Variants in ZBTB8OS observed in about 807,000 individuals in gnomAD.
ZBTB8OS encodes tRNA-splicing ligase-activating factor archease.
A neutral mutation model predicts 29.3 loss-of-function variants in ZBTB8OS; 16 were observed. That is an observed-to-expected ratio of 0.55 (90% confidence interval 0.37 to 0.83). ZBTB8OS has a LOEUF of 0.83. Ranked by LOEUF, ZBTB8OS falls within the 40% of genes least tolerant of loss-of-function variation. ZBTB8OS has a pLI of 0.00. For missense variants in ZBTB8OS, 160 were observed against 196.9 expected, an observed-to-expected ratio of 0.81 and a Z score of 1.12; for synonymous variants, 70 against 64.6, an observed-to-expected ratio of 1.08 and a Z score of -0.40.
Position 32,646,512 on chromosome 1 carries a change from C to T in ZBTB8OS, c.97+3921G>A, listed in dbSNP as rs574064685. Among the ~76,000 whole-genome samples the T allele has an allele frequency of 3.3e-5, 5 of 151,356 alleles. No individual in the cohort carries two copies. In the South Asian group the frequency reaches 8.4e-4, roughly 25 times the overall value. On this transcript the variant is annotated intron_variant, in intron 1 of 6. Transcript: ENST00000468695. ...ACGCCATTCTCCTGCCTCAGCCTCC[C>T]GAGTAGCTGGGACTACAGGCGCCCG... is the stretch of plus-strand genomic sequence containing the variant.
intron 1 of ZBTB8OS, among the ~76,000 whole-genome samples, chr1:32,641,098 G>A (rs1646361907): frequency 1.3e-5 from 2 of 151,234 alleles, no homozygotes; most frequent in South Asian, 4.2e-4. Context: ...CTTGAACCTA[G>A]AAGGTGGAGG....
chr1:32,635,879 G>C (rs1645916024), intron 1 of ZBTB8OS, among the ~76,000 whole-genome samples: 1 of 152,046 alleles, frequency 6.6e-6, no homozygotes, highest in Admixed American at 6.6e-5. Flanking sequence ...TCTTGCCTGG[G>C]GACCAACCAG....
intron 6 of ZBTB8OS, 77 bp downstream of exon 6, chr1:32,627,431 G>T: frequency 7.7e-7 from 1 of 1,294,034 alleles, no homozygotes; most frequent in Non-Finnish European, 1.1e-6. Context: ...AGAACTAACT[G>T]AAGTTGATTG....
At chr1:32,624,199 G>A (rs573171662) in intron 6 of ZBTB8OS, among the ~76,000 whole-genome samples, 5 of 152,224 alleles carry the variant, frequency 3.3e-5, no homozygotes, top group East Asian at 1.9e-4. Flanking sequence ...TATCAGCAGC[G>A]TGAGAATGGG....
chr1:32,627,331 A>G (rs12089876), intron 6 of ZBTB8OS, among the ~76,000 whole-genome samples, 177 bp downstream of exon 6: 4,611 of 152,320 alleles, frequency 0.03, 236 homozygotes, highest in African/African-American at 0.1. Context: ...CTCATCCACT[A>G]AATCAGGTGT....
At position 32,633,675 on chromosome 1, in the gene ZBTB8OS, C is replaced by T; in HGVS notation, c.297G>A (p.Lys99=). ...LFHFLDEWLY[K]FSADEFFIPR... ...GTATGAAGAATTCATCAGCACTGAA[C>T]TTATAAAGCCATTCATCCAAAAAGT... The change falls in exon 4 of 7, where the codon AAG becomes AAA. Residue 99 remains lysine, a synonymous_variant. Coordinates refer to ENST00000468695, the MANE Select transcript of ZBTB8OS (RefSeq NM_178547.5). The T allele has an allele frequency of 1.2e-6, 2 of 1,610,316 alleles. No homozygotes were observed. Among genetic ancestry groups the T allele is most frequent in the Non-Finnish European group, 1.7e-6 (2 of 1,179,160 alleles).
In ZBTB8OS at chr1:32,621,784, T is replaced by C. The variant is rs1486254629; in HGVS notation, c.*78A>G. On this transcript the variant is annotated 3_prime_UTR_variant, in exon 7 of 7. Coordinates refer to ENST00000468695, the MANE Select transcript of ZBTB8OS (RefSeq NM_178547.5). ...CATATATCAAAAAAAAGCTGTAGAA[T>C]TTAATTCATAGTGTCTTCTCAAAAG... 5.0e-6 allele frequency: 5 copies of C among 1,006,646 alleles called. No individual in the cohort carries two copies. Among genetic ancestry groups the C allele is most frequent in the Non-Finnish European group, 7.5e-6 (5 of 666,730 alleles). The allele number at this position is 1,006,646 out of a possible 1,614,324, so 62.4% of individuals were successfully genotyped here.
At chr1:32,650,688 C>T (rs992262226), upstream of ZBTB8OS, 20 of 1,315,166 alleles carry the variant, frequency 1.5e-5, no homozygotes, top group Non-Finnish European at 1.9e-5. Context: ...CCTACCCTGC[C>T]GCTTGGATCG....
intron 1 of ZBTB8OS, 100 bp downstream of exon 1, chr1:32,650,332 TA>T (rs1647273504): frequency 6.8e-7 from 1 of 1,468,252 alleles, no homozygotes; most frequent in Non-Finnish European, 9.3e-7. Flanking sequence ...ATGCCTGAAG[TA>T]CCCATGGGGC....
chr1:32,641,265 GTTTTTTTTTTTTTT>G (rs1160526101), intron 1 of ZBTB8OS, among the ~76,000 whole-genome samples: 1 of 97,266 alleles, frequency 1.0e-5, no homozygotes. Flanking sequence ...AATTACACAA[GTTTTTTTTTTTTTT>G]TTTTTTTTTT....
upstream of ZBTB8OS, chr1:32,650,620 GCA>G (rs1407468379): frequency 6.2e-7 from 1 of 1,608,018 alleles, no homozygotes; most frequent in African/African-American, 1.3e-5. Flanking sequence ...GCCCCTTGGC[GCA>G]CACCCTTAAA....
intron 1 of ZBTB8OS, among the ~76,000 whole-genome samples, chr1:32,647,266 C>CAAA (rs71006348): frequency 0.049 from 6,517 of 133,912 alleles, 540 homozygotes; most frequent in African/African-American, 0.19. Flanking sequence ...TACTCTGTCT[C>CAAA]AAAAAAAAAA....
rs949598060 is a variant in ZBTB8OS at position 32,621,006 on chromosome 1, G to A, written c.*856C>T. 6.6e-6 allele frequency: 1 copy of A among 152,162 alleles called. No homozygotes were observed. Among genetic ancestry groups the A allele is most frequent in the Non-Finnish European group, 1.5e-5 (1 of 68,018 alleles). 9.4% of individuals were successfully genotyped at this position (152,162 alleles called of 1,614,324 possible). ...GAGAGAAAAATCAGGGCTCTATCTA[G>A]AGAAGTCTAATTGTTTCTCTACAAA... On this transcript the variant is annotated 3_prime_UTR_variant, in exon 7 of 7. Coordinates refer to ENST00000468695, the MANE Select transcript of ZBTB8OS (RefSeq NM_178547.5).
At chr1:32,638,036 C>T (rs1012713504) in intron 1 of ZBTB8OS, among the ~76,000 whole-genome samples, 45 of 151,970 alleles carry the variant, frequency 3.0e-4, no homozygotes, top group African/African-American at 9.4e-4. Context: ...AGGATTTTGC[C>T]ATGTTGGCCA....
intron 5 of ZBTB8OS, among the ~76,000 whole-genome samples, chr1:32,628,765 G>A (rs1208246605): frequency 2.0e-5 from 3 of 151,888 alleles, no homozygotes; most frequent in Non-Finnish European, 1.5e-5. Context: ...GTGAGAACTC[G>A]TCTCTACTAA....
intron 6 of ZBTB8OS, among the ~76,000 whole-genome samples, chr1:32,623,562 T>C (rs1644890656): frequency 6.6e-6 from 1 of 152,176 alleles, no homozygotes; most frequent in South Asian, 2.1e-4. Flanking sequence ...TTGCAATGAA[T>C]GGCTTGTCCC....
intron 1 of ZBTB8OS, among the ~76,000 whole-genome samples, chr1:32,649,246 GTGT>G (rs1647093559): frequency 6.6e-6 from 1 of 152,092 alleles, no homozygotes; most frequent in Non-Finnish European, 1.5e-5. Flanking sequence ...GGGATTATAA[GTGT>G]GAGCCACCGC....
chr1:32,643,636 C>T (rs1646608149), intron 1 of ZBTB8OS, among the ~76,000 whole-genome samples: 2 of 151,900 alleles, frequency 1.3e-5, no homozygotes, highest in African/African-American at 4.8e-5. Flanking sequence ...GCTACGACTA[C>T]AGGCGTGCAC....
chr1:32,623,664 C>G (rs1466539993), intron 6 of ZBTB8OS, among the ~76,000 whole-genome samples: 1 of 152,194 alleles, frequency 6.6e-6, no homozygotes, highest in Non-Finnish European at 1.5e-5. Context: ...GGCCCTATCT[C>G]TACAACCTTG....
Sources: gnomAD v4.1 joint callset for allele counts (sites outside exome capture counted in the v4.1 genomes callset) on GRCh38, gnomAD v4.1.1 for gene constraint, MANE v1.5 for transcripts, NCBI Gene and HGNC (gene_info 2026-07-23, HGNC 2026-07-21) for gene names.